Variants in GALNT13 observed in about 807,000 individuals in gnomAD.
GALNT13 encodes UDP-GalNAc:polypeptide N-acetylgalactosaminyltransferase 13.
Under a neutral mutation model 64.2 loss-of-function variants are expected in GALNT13, and 28 were observed. That is an observed-to-expected ratio of 0.44 (90% CI 0.32 to 0.60). GALNT13 has a LOEUF of 0.60. Among genes scored for constraint, GALNT13 ranks in the 20% least tolerant of loss-of-function variants. The probability of loss-of-function intolerance (pLI) is 0.05; values close to 1 mark genes in which losing one functional copy is unlikely to be tolerated. For synonymous variants in GALNT13, 214 were observed against 224.6 expected, an observed-to-expected ratio of 0.95 and a Z score of 0.42; for missense variants, 577 against 669.8, an observed-to-expected ratio of 0.86 and a Z score of 1.53.
chr2:153,858,651 TC>T, the GALNT13 span, among the ~76,000 whole-genome samples: 1 of 152,200 alleles, frequency 6.6e-6, no homozygotes, highest in African/African-American at 2.4e-5. Context: ...CACTTAATGT[TC>T]TTAATTTAGA....
chr2:154,065,483 C>T (rs1281465606), intron 3 of GALNT13, among the ~76,000 whole-genome samples: 1 of 152,160 alleles, frequency 6.6e-6, no homozygotes, highest in African/African-American at 2.4e-5. Flanking sequence ...TGGTACCTGC[C>T]ACCCCTCACC....
the GALNT13 span, among the ~76,000 whole-genome samples, chr2:153,646,412 CTG>C: frequency 1.3e-5 from 2 of 150,928 alleles, no homozygotes; most frequent in East Asian, 1.9e-4. Context: ...ATTCTGAACT[CTG>C]TGCAAGTATT....
intron 4 of GALNT13, among the ~76,000 whole-genome samples, chr2:154,147,935 T>C (rs1044328465): frequency 3.3e-5 from 5 of 151,918 alleles, no homozygotes; most frequent in African/African-American, 9.7e-5. Context: ...ATTATTATTA[T>C]ACTTTAAGTT....
At chr2:154,100,009 C>T (rs1169034118) in intron 3 of GALNT13, among the ~76,000 whole-genome samples, 2 of 152,032 alleles carry the variant, frequency 1.3e-5, no homozygotes, top group African/African-American at 4.8e-5. Context: ...TGTTGAAGAG[C>T]AGTTAGCTAT....
At chr2:154,187,576 G>A (rs1686326388) in intron 4 of GALNT13, among the ~76,000 whole-genome samples, 1 of 151,884 alleles carries the variant, frequency 6.6e-6, no homozygotes, top group Non-Finnish European at 1.5e-5. Flanking sequence ...ACATTTATTA[G>A]CATGTAAGTT....
the GALNT13 span, among the ~76,000 whole-genome samples, chr2:153,178,230 G>A: frequency 2.0e-5 from 3 of 152,154 alleles, no homozygotes; most frequent in African/African-American, 4.8e-5. Flanking sequence ...AGCCAGAAGT[G>A]GAATAGCTGG....
In GALNT13 at chr2:154,218,640, T is replaced by C. The variant is rs560767903; in HGVS notation, c.312-23390T>C. 2.2e-4 allele frequency among the ~76,000 whole-genome samples: 33 copies of C among 152,222 alleles called. No homozygotes were observed. The South Asian group carries it at 4.8e-3, about 22-fold the overall frequency. On this transcript the variant is annotated intron_variant, in intron 4 of 12. Transcript: ENST00000392825. ...GAAATCCAGCAGGCCTTTCAGTCTT[T>C]CTCTTACTGTGTACTTCTGACTAAG...
the GALNT13 span, among the ~76,000 whole-genome samples, chr2:153,673,818 G>A: frequency 1.3e-5 from 2 of 152,106 alleles, no homozygotes; most frequent in Non-Finnish European, 2.9e-5. Context: ...CATCATCTCA[G>A]CCTAAAATCT....
At chr2:153,131,446 A>C in the GALNT13 span, among the ~76,000 whole-genome samples, 1 of 151,896 alleles carries the variant, frequency 6.6e-6, no homozygotes. Flanking sequence ...GAGTTAAGTT[A>C]TATTCAAGAA....
At chr2:154,409,234 G>T in intron 11 of GALNT13, 152 bp downstream of exon 11, 1 of 664,920 alleles carries the variant, frequency 1.5e-6, no homozygotes, top group South Asian at 1.7e-5. Context: ...CTATTTTATT[G>T]TCCCAAGGAT....
At chr2:153,119,088 A>G in the GALNT13 span, among the ~76,000 whole-genome samples, 1 of 152,076 alleles carries the variant, frequency 6.6e-6, no homozygotes, top group Non-Finnish European at 1.5e-5. Flanking sequence ...GAAGAAGAAC[A>G]TGTTTGCTTC....
chr2:153,573,454 T>C, the GALNT13 span, among the ~76,000 whole-genome samples: 1 of 152,082 alleles, frequency 6.6e-6, no homozygotes, highest in Non-Finnish European at 1.5e-5. Context: ...AGTGTTATTA[T>C]GAACAAGTAA....
the GALNT13 span, among the ~76,000 whole-genome samples, chr2:153,325,303 C>A: frequency 6.6e-6 from 1 of 151,846 alleles, no homozygotes; most frequent in African/African-American, 2.4e-5. Flanking sequence ...TTATAATATT[C>A]TTTGATGGTA....
At chr2:154,437,747 CG>C in intron 11 of GALNT13, 1 of 369,546 alleles carries the variant, frequency 2.7e-6, no homozygotes, top group South Asian at 2.0e-5. Flanking sequence ...CCCAGCCACT[CG>C]GGAGGCTGAG....
At chr2:154,045,329 A>G (rs1165031312) in intron 3 of GALNT13, among the ~76,000 whole-genome samples, 3 of 152,226 alleles carry the variant, frequency 2.0e-5, no homozygotes, top group Non-Finnish European at 4.4e-5. Context: ...GGAGAGGTAC[A>G]TAATAGCTGT....
the GALNT13 span, among the ~76,000 whole-genome samples, chr2:153,191,641 G>T: frequency 6.6e-6 from 1 of 151,520 alleles, no homozygotes; most frequent in Non-Finnish European, 1.5e-5. Context: ...AGGAGCATTG[G>T]TACTTGTTCT....
chr2:153,109,727 T>G, the GALNT13 span, among the ~76,000 whole-genome samples: 1 of 152,100 alleles, frequency 6.6e-6, no homozygotes, highest in East Asian at 1.9e-4. Context: ...GACAATAATC[T>G]GACATTTCCA....
the GALNT13 span, among the ~76,000 whole-genome samples, chr2:153,484,990 G>A: frequency 6.6e-6 from 1 of 152,294 alleles, no homozygotes; most frequent in East Asian, 1.9e-4. Flanking sequence ...CAGAAAGACT[G>A]TTCTTGAGCA....
chr2:153,480,435 G>A, the GALNT13 span, among the ~76,000 whole-genome samples: 1 of 152,124 alleles, frequency 6.6e-6, no homozygotes, highest in Admixed American at 6.5e-5. Flanking sequence ...TGAGGGGGAT[G>A]TTTAACAGCT....
Sources: allele counts gnomAD v4.1 joint callset (sites outside exome capture counted in the v4.1 genomes callset), GRCh38; gene constraint gnomAD v4.1.1; transcripts MANE v1.5; gene names NCBI Gene and HGNC (gene_info 2026-07-23, HGNC 2026-07-21).